Variants in DSG3 observed in about 807,000 individuals in gnomAD.
DSG3 encodes desmoglein 3, also known as desmoglein-3.
Under a neutral mutation model 85.9 loss-of-function variants are expected in DSG3, and 63 were observed. The ratio of observed to expected loss-of-function variants is 0.73; its 90% CI spans 0.60 to 0.90. DSG3 has a LOEUF of 0.90. DSG3 is among the 40% of genes least tolerant of loss of function. The pLI, the probability that DSG3 is intolerant of heterozygous loss-of-function variation, is 0.00. For missense variants in DSG3, 1,220 were observed against 1,219.9 expected, an observed-to-expected ratio of 1.00 and a Z score of 0.00; for synonymous variants, 447 against 441.9, an observed-to-expected ratio of 1.01 and a Z score of -0.14.
intron 12 of DSG3, among the ~76,000 whole-genome samples, chr18:31,469,630 T>C (rs1488773295): frequency 6.6e-6 from 1 of 152,146 alleles, no homozygotes; most frequent in African/African-American, 2.4e-5. Flanking sequence ...TTCTACACAC[T>C]GTTAGTAATG....
chr18:31,478,339 T>C lies in DSG3; in HGVS notation c.*2079T>C, dbSNP rs369856553. The C allele has an allele frequency of 6.6e-6, 1 of 152,212 alleles. No individual in the cohort carries two copies. 9.4% of individuals were successfully genotyped at this position (152,212 alleles called of 1,614,324 possible). Reference sequence around the variant, plus strand: ...AACCTTCATTTGAAGTTCAAAGGTGTATTCAGGATCCTCAAAGCATTTTAA... The same window carrying C: ...AACCTTCATTTGAAGTTCAAAGGTGCATTCAGGATCCTCAAAGCATTTTAA... On this transcript the variant is annotated 3_prime_UTR_variant, in exon 16 of 16. Transcript: ENST00000257189.
intron 9 of DSG3, 47 bp downstream of exon 9, chr18:31,464,429 C>T (rs2072804629): frequency 6.5e-7 from 1 of 1,538,700 alleles, no homozygotes; most frequent in Admixed American, 1.9e-5. Context: ...AGGTTTTAAT[C>T]TATAAGCTAT....
rs768628002 is a variant in DSG3, at chr18:31,456,488, A to G, written c.84+13A>G. 2.4e-5 allele frequency: 32 copies of G among 1,320,036 alleles called. No homozygotes were observed. The East Asian group carries it at 8.9e-4, about 37-fold the overall frequency. 81.8% of individuals were successfully genotyped at this position (1,320,036 alleles called of 1,614,324 possible). A position where few individuals can be genotyped will look rare whatever the true frequency, so the allele number is the denominator to read the frequency against. ...ATTGCGAATAGAGGTAAAGTATGAAAAAGGTTTTTGTACTTAAAATAATAG... is the reference window on the plus strand; with the variant it reads ...ATTGCGAATAGAGGTAAAGTATGAAGAAGGTTTTTGTACTTAAAATAATAG... On this transcript the variant is annotated intron_variant, in intron 2 of 15. Coordinates refer to ENST00000257189, the MANE Select transcript of DSG3 (RefSeq NM_001944.3).
chr18:31,452,423 G>A (rs1385294852), intron 1 of DSG3, among the ~76,000 whole-genome samples: 1 of 146,876 alleles, frequency 6.8e-6, no homozygotes, highest in Non-Finnish European at 1.5e-5. Context: ...GGAGGCTGAG[G>A]AAGGAGAATC....
chr18:31,478,437 G>A lies in DSG3; in HGVS notation c.*2177G>A, dbSNP rs965775212. The stretch of plus-strand genomic sequence containing the variant: ...ATTGTTAAACTGTAGTGGAAACCAT[G>A]CTATAGTAATAAAGGTTATATAAGA... On this transcript the variant is annotated 3_prime_UTR_variant, in exon 16 of 16. Coordinates refer to ENST00000257189, the MANE Select transcript of DSG3 (RefSeq NM_001944.3). 4.6e-5 allele frequency: 7 copies of A among 152,106 alleles called. No individual in the cohort carries two copies. In the South Asian group the frequency reaches 1.0e-3, roughly 22 times the overall value. 9.4% of individuals were successfully genotyped at this position (152,106 alleles called of 1,614,324 possible).
rs768144069 is a variant in DSG3 at position 31,458,504 on chromosome 18, C to T, written c.276C>T (p.Ile92=). 1.2e-5 allele frequency: 19 copies of T among 1,614,012 alleles called. No homozygotes were observed. The highest frequency in any genetic ancestry group is 1.6e-4 in the Middle Eastern group (1 of 6,062). The stretch of plus-strand genomic sequence containing the variant: ...CCTACCGAATCTCTGGAGTGGGAAT[C>T]GATCAGCCGCCTTTTGGAATCTTTG... ...KITYRISGVG[I]DQPPFGIFVV... The change falls in exon 4 of 16, where the codon ATC becomes ATT. Residue 92 remains isoleucine (I), a synonymous_variant. Transcript: ENST00000257189.
intron 11 of DSG3, among the ~76,000 whole-genome samples, chr18:31,468,392 G>A (rs138360882): frequency 6.6e-6 from 1 of 152,222 alleles, no homozygotes; most frequent in Non-Finnish European, 1.5e-5. Context: ...ACATACAAGA[G>A]AGTGGTTAAG....
Position 31,458,554 on chromosome 18 carries a change from TTAACA to T in DSG3, c.332_336del (p.Ile111SerfsTer34). On this transcript the variant is annotated frameshift_variant, in exon 4 of 16. Transcript: ENST00000257189. LOFTEE classifies it high-confidence loss of function. ...GTTGTTGACAAAAACACTGGAGATA[TTAACA>T]TAACAGCTATAGTCGACCGGGAGGA... 1 of 1,614,056 alleles carries T rather than the reference TTAACA, an allele frequency of 6.2e-7. No homozygotes were observed.
At chr18:31,454,929 C>T (rs1279272724) in intron 1 of DSG3, among the ~76,000 whole-genome samples, 1 of 149,644 alleles carries the variant, frequency 6.7e-6, no homozygotes, top group Non-Finnish European at 1.5e-5. Context: ...ACCCGGGAGA[C>T]GAAGCTTACA....
intron 12 of DSG3, 37 bp from the exon 13 acceptor site, chr18:31,472,247 G>C (rs752006500): frequency 3.3e-5 from 53 of 1,613,540 alleles, no homozygotes; most frequent in Middle Eastern, 1.6e-4. Context: ...TCCTAAATTA[G>C]TCAAGTGTTC....
chr18:31,475,097 T>G (rs1190711991), intron 15 of DSG3, among the ~76,000 whole-genome samples: 1 of 152,146 alleles, frequency 6.6e-6, no homozygotes, highest in Non-Finnish European at 1.5e-5. Flanking sequence ...GAATGACATG[T>G]CAGGAAGCAT....
In DSG3 at chr18:31,474,410, T is replaced by C. The variant is rs752541893; in HGVS notation, c.2385+6T>C. The C allele has an allele frequency of 1.9e-6, 3 of 1,592,090 alleles. No homozygotes were observed. In the South Asian group the frequency reaches 3.4e-5, roughly 18 times the overall value. ...TGGACTCCTACTTTTCTCAGGTAAT[T>C]TGGTGAAAAACTTTGTGGCTTGATT... is the stretch of plus-strand genomic sequence containing the variant. On this transcript the variant is annotated splice_donor_region_variant and intron_variant, in intron 15 of 15. Coordinates refer to ENST00000257189, the MANE Select transcript of DSG3 (RefSeq NM_001944.3).
chr18:31,461,299 G>A lies in DSG3; in HGVS notation c.886G>A (p.Glu296Lys), dbSNP rs774846912. 4.3e-6 allele frequency: 7 copies of A among 1,613,558 alleles called. No homozygotes were observed. Among genetic ancestry groups the A allele is most frequent in the Middle Eastern group, 1.7e-4 (1 of 6,056 alleles). Reference protein sequence around the residue: ...LRFQVTDLDEEYTDNWLAVYF... With the variant: ...LRFQVTDLDEKYTDNWLAVYF... ...ATTTCAAGTAACAGATTTGGATGAAGAGTACACAGATAATTGGCTTGCAGT... is the reference window on the plus strand; with the variant it reads ...ATTTCAAGTAACAGATTTGGATGAAAAGTACACAGATAATTGGCTTGCAGT... The change falls in exon 8 of 16, where the codon GAG becomes AAG. Residue 296 changes from glutamate (E) to lysine (K), a missense_variant. Glu to Lys is a moderately conservative substitution (Grantham distance 56). Coordinates refer to ENST00000257189, the MANE Select transcript of DSG3 (RefSeq NM_001944.3).
chr18:31,452,312 A>G (rs933194586), intron 1 of DSG3, among the ~76,000 whole-genome samples: 1 of 152,112 alleles, frequency 6.6e-6, no homozygotes, highest in Admixed American at 6.5e-5. Flanking sequence ...CGAGGTCAAG[A>G]GATTGAGACC....
intron 9 of DSG3, among the ~76,000 whole-genome samples, chr18:31,464,695 A>G (rs1451811079): frequency 2.0e-5 from 3 of 152,252 alleles, no homozygotes; most frequent in Admixed American, 6.5e-5. Flanking sequence ...GAAGTGCACC[A>G]TGAGAACATG....
At chr18:31,461,005 A>T in intron 7 of DSG3, 44 bp downstream of exon 7, 1 of 1,517,342 alleles carries the variant, frequency 6.6e-7, no homozygotes, top group Non-Finnish European at 8.8e-7. Flanking sequence ...TATATATTTA[A>T]TACTTTGAAA....
In DSG3 at chr18:31,477,470, T is replaced by A. The variant is rs1033085987; in HGVS notation, c.*1210T>A. ...AAGCAAAACGGGCCAATGACTAGAA[T>A]AACACATAGGGCAATCTGTGAATAT... On this transcript the variant is annotated 3_prime_UTR_variant, in exon 16 of 16. Transcript: ENST00000257189. The A allele has an allele frequency of 1.3e-5, 2 of 152,162 alleles. No individual in the cohort carries two copies. Among genetic ancestry groups the A allele is most frequent in the African/African-American group, 4.8e-5 (2 of 41,428 alleles). 9.4% of individuals were successfully genotyped at this position (152,162 alleles called of 1,614,324 possible).
At chr18:31,458,847 A>T (rs987166934) in intron 4 of DSG3, among the ~76,000 whole-genome samples, 186 bp from the exon 5 acceptor site, 4 of 152,232 alleles carry the variant, frequency 2.6e-5, no homozygotes, top group African/African-American at 9.6e-5. Flanking sequence ...GCCTGGTGGA[A>T]GGGGCAACTT....
rs1382768863 is a variant in DSG3 at position 31,466,545 on chromosome 18, C to A, written c.1427C>A (p.Thr476Asn). The change falls in exon 11 of 16, where the codon ACT (threonine) becomes AAT (asparagine). Residue 476 changes from threonine (T) to asparagine (N), a missense_variant. Physicochemically the swap from Thr to Asn is moderately conservative, Grantham distance 65 (BLOSUM62 0). Transcript: ENST00000257189. ...VLAIDEYTGK[T>N]STGTVYVRVP... ...GTTCTTACAGAATACACGGGTAAAACTTCTACAGGCACGGTATATGTTAGA... is the reference window on the plus strand; with the variant it reads ...GTTCTTACAGAATACACGGGTAAAAATTCTACAGGCACGGTATATGTTAGA... 6.2e-7 allele frequency: 1 copy of A among 1,614,036 alleles called. No individual in the cohort carries two copies. Among genetic ancestry groups the A allele is most frequent in the Non-Finnish European group, 8.5e-7 (1 of 1,180,002 alleles).
Sources: gnomAD v4.1 joint callset for allele counts (sites outside exome capture counted in the v4.1 genomes callset) on GRCh38, gnomAD v4.1.1 for gene constraint, MANE v1.5 for transcripts, NCBI Gene and HGNC (gene_info 2026-07-23, HGNC 2026-07-21) for gene names.